PDZRN3: variants seen among roughly 807,000 people sequenced by gnomAD.
PDZRN3 encodes the protein E3 ubiquitin-protein ligase PDZRN3.
PDZRN3 carries 38 observed loss-of-function variants against 85.7 expected under a neutral mutation model. The ratio of observed to expected loss-of-function variants is 0.44; its 90% CI spans 0.34 to 0.58. The LOEUF is 0.58. Among genes scored for constraint, PDZRN3 ranks in the 20% least tolerant of loss-of-function variants. PDZRN3 has a pLI of 0.01. For synonymous variants in PDZRN3, 759 were observed against 638.0 expected, an observed-to-expected ratio of 1.19 and a Z score of -2.86; for missense variants, 1,629 against 1,506.4, an observed-to-expected ratio of 1.08 and a Z score of -1.35.
At chr3:73,519,656 G>A (rs116666760) in intron 3 of PDZRN3, among the ~76,000 whole-genome samples, 2 of 152,326 alleles carry the variant, frequency 1.3e-5, no homozygotes, top group African/African-American at 4.8e-5. Flanking sequence ...CCCTAAGTGA[G>A]TAAAGAGTCG....
chr3:73,445,672 T>C lies in PDZRN3; in HGVS notation c.919-41277A>G, dbSNP rs554418896. Among the ~76,000 whole-genome samples the C allele has an allele frequency of 1.5e-4, 23 of 152,336 alleles. 1 individual carries two copies. The highest frequency in any genetic ancestry group is 5.3e-4 in the African/African-American group (22 of 41,568). ...AATGGCAATACTAATTTTTTAACAT[T>C]CTCTGAGAAAATATAACAACTCAAT... On this transcript the variant is annotated intron_variant, in intron 3 of 9. Coordinates refer to ENST00000263666, the MANE Select transcript of PDZRN3 (RefSeq NM_015009.3).
At position 73,496,447 on chromosome 3, in the gene PDZRN3, CTT is replaced by C. The variant is rs1703868606; in HGVS notation, c.919-92054_919-92053del. Reference sequence around the variant, plus strand: ...AATGATTAATCAACATTTTGCCATTCTTGTTTCATATGTCAACTCGCCATTCT... The same window carrying C: ...AATGATTAATCAACATTTTGCCATTCGTTTCATATGTCAACTCGCCATTCT... On this transcript the variant is annotated intron_variant, in intron 3 of 9. Coordinates refer to ENST00000263666, the MANE Select transcript of PDZRN3 (RefSeq NM_015009.3). 2.0e-5 allele frequency among the ~76,000 whole-genome samples: 3 copies of C among 151,928 alleles called. No homozygotes were observed. The South Asian group carries it at 6.2e-4, about 32-fold the overall frequency.
At chr3:73,426,120 G>A (rs1702310256) in intron 3 of PDZRN3, among the ~76,000 whole-genome samples, 1 of 152,074 alleles carries the variant, frequency 6.6e-6, no homozygotes. Flanking sequence ...ATAGGATAAT[G>A]CTGGAGCCTG....
intron 3 of PDZRN3, among the ~76,000 whole-genome samples, chr3:73,441,589 C>T (rs868179900): frequency 1.2e-4 from 19 of 152,062 alleles, no homozygotes; most frequent in Admixed American, 2.0e-4. Context: ...TTCTCTTACC[C>T]CTATTTTACC....
chr3:73,450,934 A>G (rs908850369), intron 3 of PDZRN3, among the ~76,000 whole-genome samples: 5 of 152,136 alleles, frequency 3.3e-5, no homozygotes, highest in African/African-American at 1.2e-4. Flanking sequence ...GCTCTTTAAA[A>G]AAAAAAAAGC....
At chr3:73,462,107 A>G (rs1703116265) in intron 3 of PDZRN3, among the ~76,000 whole-genome samples, 1 of 152,224 alleles carries the variant, frequency 6.6e-6, no homozygotes, top group African/African-American at 2.4e-5. Context: ...TTATATGAAA[A>G]GCAAGATGTC....
intron 3 of PDZRN3, among the ~76,000 whole-genome samples, chr3:73,414,790 T>TC (rs1702042946): frequency 6.6e-6 from 1 of 152,224 alleles, no homozygotes; most frequent in Non-Finnish European, 1.5e-5. Flanking sequence ...TTATGACAGA[T>TC]CTTCTCAAAT....
At chr3:73,618,894 T>C (rs1217391625) in intron 1 of PDZRN3, among the ~76,000 whole-genome samples, 1 of 152,254 alleles carries the variant, frequency 6.6e-6, no homozygotes, top group African/African-American at 2.4e-5. Flanking sequence ...TTGTTAGATA[T>C]ACTATGGAAT....
chr3:73,420,683 T>C (rs1021875496), intron 3 of PDZRN3, among the ~76,000 whole-genome samples: 4 of 152,146 alleles, frequency 2.6e-5, no homozygotes, highest in African/African-American at 9.7e-5. Context: ...CCCATAAAGA[T>C]GACCCTCTTT....
rs1188247857 is a variant in PDZRN3 at position 73,383,620 on chromosome 3, C to T, written c.2946G>A (p.Leu982=). ...GCCGCCGCTGCTCCTTGGCCTTCAC[C>T]AGGTGCTGCTTCCTCTCCTCCTTGC... ...YWSKEERKQH[L]VKAKEQRRRR... is the part of the protein sequence containing the mutation. The change falls in exon 10 of 10, where the codon CTG becomes CTA. Residue 982 remains leucine, a synonymous_variant. Transcript: ENST00000263666. The T allele has an allele frequency of 6.2e-7, 1 of 1,613,964 alleles. No individual in the cohort carries two copies. Among genetic ancestry groups the T allele is most frequent in the East Asian group, 2.2e-5 (1 of 44,850 alleles).
At chr3:73,470,673 A>G (rs1323947416) in intron 3 of PDZRN3, among the ~76,000 whole-genome samples, 3 of 152,204 alleles carry the variant, frequency 2.0e-5, no homozygotes, top group African/African-American at 7.2e-5. Context: ...CAATGCACAG[A>G]CATACAGAGA....
At chr3:73,607,653 C>A (rs1702622566) in intron 2 of PDZRN3, among the ~76,000 whole-genome samples, 1 of 152,178 alleles carries the variant, frequency 6.6e-6, no homozygotes, top group Non-Finnish European at 1.5e-5. Context: ...ATACCCTTTG[C>A]TTCTTGGCTG....
At chr3:73,451,499 C>T (rs1348355009) in intron 3 of PDZRN3, among the ~76,000 whole-genome samples, 1 of 152,142 alleles carries the variant, frequency 6.6e-6, no homozygotes, top group South Asian at 2.1e-4. Context: ...AGAGAACACA[C>T]TGATTAGTCC....
rs1269486914 is a variant in PDZRN3, at chr3:73,440,700, C to G, written c.919-36305G>C. 5.3e-5 allele frequency among the ~76,000 whole-genome samples: 8 copies of G among 152,172 alleles called. No individual in the cohort carries two copies. In the South Asian group the frequency reaches 6.2e-4, roughly 12 times the overall value. ...GACAACACCCAGCCTCCAAAAGGCC[C>G]TTGCTAACTCTTTGGAATGAACAAC... On this transcript the variant is annotated intron_variant, in intron 3 of 9. Transcript: ENST00000263666.
At chr3:73,433,941 C>T (rs1445722852) in intron 3 of PDZRN3, 15 of 1,381,910 alleles carry the variant, frequency 1.1e-5, no homozygotes, top group Non-Finnish European at 1.3e-5. Flanking sequence ...CACACACACA[C>T]ATACACACAG....
chr3:73,481,620 A>G (rs1703563421), intron 3 of PDZRN3, among the ~76,000 whole-genome samples: 2 of 152,202 alleles, frequency 1.3e-5, no homozygotes, highest in Admixed American at 1.3e-4. Context: ...GTAAGCCACC[A>G]CACCTGGCCT....
At chr3:73,404,775 G>C (rs1415268804) in intron 3 of PDZRN3, among the ~76,000 whole-genome samples, 1 of 152,228 alleles carries the variant, frequency 6.6e-6, no homozygotes, top group Non-Finnish European at 1.5e-5. Context: ...TTAATAGTGT[G>C]TATTTTTCCA....
intron 1 of PDZRN3, among the ~76,000 whole-genome samples, chr3:73,610,169 T>C (rs950474746): frequency 2.6e-5 from 4 of 152,220 alleles, no homozygotes; most frequent in Admixed American, 2.6e-4. Flanking sequence ...GAGAAAAAGA[T>C]ACTCTGTTTC....
intron 1 of PDZRN3, among the ~76,000 whole-genome samples, chr3:73,612,642 T>C (rs1322343755): frequency 6.6e-6 from 1 of 152,214 alleles, no homozygotes; most frequent in Non-Finnish European, 1.5e-5. Flanking sequence ...AGATGCTGTC[T>C]GGCTGAGAAA....
Sources: gnomAD v4.1 joint callset for allele counts (sites outside exome capture counted in the v4.1 genomes callset) on GRCh38, gnomAD v4.1.1 for gene constraint, MANE v1.5 for transcripts, NCBI Gene and HGNC (gene_info 2026-07-23, HGNC 2026-07-21) for gene names.